Variants in TMEM232 observed in about 807,000 individuals in gnomAD.
The protein encoded by TMEM232 is transmembrane protein 232.
TMEM232 carries 80 observed loss-of-function variants against 78.8 expected under a neutral mutation model. The observed-to-expected ratio is 1.01, with a 90% CI of 0.85 to 1.22. The LOEUF is 1.22. Ranked by LOEUF, TMEM232 falls within the 50% of genes most tolerant of loss-of-function variation. The pLI is 0.00. For missense variants in TMEM232, 881 were observed against 742.2 expected, an observed-to-expected ratio of 1.19 and a Z score of -2.17; for synonymous variants, 297 against 254.3, an observed-to-expected ratio of 1.17 and a Z score of -1.60.
At chr5:110,584,348 A>G (rs142528128) in intron 10 of TMEM232, among the ~76,000 whole-genome samples, 101 of 152,226 alleles carry the variant, frequency 6.6e-4, no homozygotes, top group African/African-American at 2.4e-3. Context: ...GCAATATGCA[A>G]CAACATGGAT....
chr5:110,688,548 C>T (rs1793710537), intron 1 of TMEM232, among the ~76,000 whole-genome samples: 1 of 152,146 alleles, frequency 6.6e-6, no homozygotes, highest in South Asian at 2.1e-4. Context: ...CAGGACCCCA[C>T]AGCTTAGTAG....
At chr5:110,543,843 T>C (rs1773458175) in intron 11 of TMEM232, among the ~76,000 whole-genome samples, 1 of 152,192 alleles carries the variant, frequency 6.6e-6, no homozygotes, top group Non-Finnish European at 1.5e-5. Flanking sequence ...ATGTATCAAA[T>C]AAGATCATGA....
chr5:110,388,291 C>T lies in TMEM232; in HGVS notation n.616-238G>A, dbSNP rs966744583. 2.6e-5 allele frequency among the ~76,000 whole-genome samples: 4 copies of T among 152,162 alleles called. No individual in the cohort carries two copies. The South Asian group carries it at 8.3e-4, about 32-fold the overall frequency. On this transcript the variant is annotated intron_variant and non_coding_transcript_variant, in intron 4 of 8. Coordinates refer to the TMEM232 transcript ENST00000507188. Reference sequence around the variant, plus strand: ...AAGTGGGCTTTCCACTTGGCCAGCACCATCTTGTCTGTGCCTTACTGTGCA... The same window carrying T: ...AAGTGGGCTTTCCACTTGGCCAGCATCATCTTGTCTGTGCCTTACTGTGCA...
intron 1 of TMEM232, among the ~76,000 whole-genome samples, chr5:110,680,112 C>T (rs1019103319): frequency 1.3e-5 from 2 of 151,806 alleles, no homozygotes; most frequent in Non-Finnish European, 2.9e-5. Context: ...TAATATGCAA[C>T]CCAAGGCCTG....
chr5:110,616,549 T>C (rs768958024), intron 8 of TMEM232, among the ~76,000 whole-genome samples: 3 of 151,970 alleles, frequency 2.0e-5, no homozygotes, highest in Non-Finnish European at 4.4e-5. Flanking sequence ...GTGAAAACCA[T>C]ACATTTGGTA....
intron 11 of TMEM232, among the ~76,000 whole-genome samples, chr5:110,546,488 A>G (rs1304723265): frequency 6.6e-6 from 1 of 152,104 alleles, no homozygotes; most frequent in African/African-American, 2.4e-5. Flanking sequence ...TAGAATGTAC[A>G]GTAGTTTATA....
At chr5:110,659,944 CACA>C (rs1789569002) in intron 2 of TMEM232, among the ~76,000 whole-genome samples, 4 of 151,732 alleles carry the variant, frequency 2.6e-5, no homozygotes, top group African/African-American at 4.8e-5. Context: ...TGATCTCATA[CACA>C]TTTATTCAAT....
chr5:110,594,453 CAGA>C (rs1032706596), intron 10 of TMEM232, among the ~76,000 whole-genome samples: 15 of 152,188 alleles, frequency 9.9e-5, no homozygotes, highest in African/African-American at 3.6e-4. Flanking sequence ...CCCAGCAAGA[CAGA>C]ACTGTTCTCT....
At chr5:110,448,105 A>G (rs1327010178) in intron 12 of TMEM232, among the ~76,000 whole-genome samples, 1 of 152,092 alleles carries the variant, frequency 6.6e-6, no homozygotes, top group Non-Finnish European at 1.5e-5. Flanking sequence ...GCAATATTCT[A>G]CAAATATTGG....
At chr5:110,485,084 A>G (rs1580876739) in intron 12 of TMEM232, among the ~76,000 whole-genome samples, 1 of 152,198 alleles carries the variant, frequency 6.6e-6, no homozygotes, top group Non-Finnish European at 1.5e-5. Flanking sequence ...GAGATTCCTT[A>G]AAGAACTAAA....
chr5:110,719,812 T>C (rs992564870), intron 1 of TMEM232, among the ~76,000 whole-genome samples: 2 of 152,150 alleles, frequency 1.3e-5, no homozygotes, highest in Non-Finnish European at 2.9e-5. Flanking sequence ...ACTCTCTCTG[T>C]TAAACTGTGT....
At chr5:110,576,935 G>A (rs1777638391) in intron 10 of TMEM232, among the ~76,000 whole-genome samples, 1 of 151,870 alleles carries the variant, frequency 6.6e-6, no homozygotes, top group Non-Finnish European at 1.5e-5. Context: ...GAAAATCCTG[G>A]GAGACAACCT....
chr5:110,578,296 T>C (rs1777791913), intron 10 of TMEM232, among the ~76,000 whole-genome samples: 1 of 151,972 alleles, frequency 6.6e-6, no homozygotes, highest in African/African-American at 2.4e-5. Context: ...ATTTCTGTAT[T>C]CCAGGGGCAA....
intron 12 of TMEM232, among the ~76,000 whole-genome samples, chr5:110,487,940 C>A (rs1489684432): frequency 6.6e-6 from 1 of 151,998 alleles, no homozygotes; most frequent in African/African-American, 2.4e-5. Context: ...CAAAATACCA[C>A]CATTCTTCTT....
At chr5:110,414,142 C>T (rs2112586376) in intron 2 of TMEM232, among the ~76,000 whole-genome samples, 1 of 152,334 alleles carries the variant, frequency 6.6e-6, no homozygotes, top group South Asian at 2.1e-4. Flanking sequence ...TCGCTTCATT[C>T]TGGTCTTTGT....
chr5:110,560,022 T>A (rs1775562883), intron 11 of TMEM232, among the ~76,000 whole-genome samples: 1 of 152,164 alleles, frequency 6.6e-6, no homozygotes, highest in African/African-American at 2.4e-5. Flanking sequence ...TACTCCAGTA[T>A]GACCTTGTCT....
chr5:110,657,005 A>G (rs962575995), intron 2 of TMEM232, among the ~76,000 whole-genome samples: 1 of 152,196 alleles, frequency 6.6e-6, no homozygotes, highest in African/African-American at 2.4e-5. Context: ...ACTTAATGAT[A>G]AAATTGGGGT....
rs537277548 is a variant in TMEM232, at chr5:110,722,450, G to A, written c.-13+4177C>T. Among the ~76,000 whole-genome samples the A allele has an allele frequency of 4.6e-5, 7 of 152,196 alleles. No individual in the cohort carries two copies. In the East Asian group the frequency reaches 1.4e-3, roughly 29 times the overall value. ...CTCTAAAGAGTTGACTAGGATTGTA[G>A]GATCCACTTCCAGGGTGGTTTGTTC... On this transcript the variant is annotated intron_variant, in intron 1 of 13. Coordinates refer to ENST00000455884, the MANE Select transcript of TMEM232 (RefSeq NM_001039763.4).
chr5:110,400,523 A>T (rs1755550637), intron 2 of TMEM232, among the ~76,000 whole-genome samples: 1 of 152,066 alleles, frequency 6.6e-6, no homozygotes, highest in Non-Finnish European at 1.5e-5. Context: ...AGATTAAAAA[A>T]ATATAAGACA....
Sources: allele counts gnomAD v4.1 joint callset (sites outside exome capture counted in the v4.1 genomes callset), GRCh38; gene constraint gnomAD v4.1.1; transcripts MANE v1.5; gene names NCBI Gene and HGNC (gene_info 2026-07-23, HGNC 2026-07-21).